HNF4G: variants seen among roughly 807,000 people sequenced by gnomAD.
HNF4G encodes the protein hepatocyte nuclear factor 4-gamma.
In HNF4G, 21 loss-of-function variants were observed where a neutral mutation model predicts 50.9. That is an observed-to-expected ratio of 0.41 (90% confidence interval 0.29 to 0.59). The LOEUF is 0.59. Ranked by LOEUF, HNF4G falls within the 20% of genes least tolerant of loss-of-function variation. HNF4G has a pLI of 0.26. For synonymous variants in HNF4G, 198 were observed against 185.6 expected (o/e 1.07, Z -0.54); for missense variants, 527 against 559.4 (o/e 0.94, Z 0.58).
At chr8:75,409,103 C>T (rs115719365) in intron 1 of HNF4G, among the ~76,000 whole-genome samples, 2,946 of 152,210 alleles carry the variant, frequency 0.019, 85 homozygotes, top group African/African-American at 0.064. Flanking sequence ...GCTGTGTGGT[C>T]GAAGTAGGTG....
rs909369784 is a variant in HNF4G at position 75,565,391 on chromosome 8, G to T, written c.*1295G>T. ...CTTAAAAACATTAGATAAAATAAAA[G>T]ATTCACCGGATGGATTCTGATGAAA... On this transcript the variant is annotated 3_prime_UTR_variant, in exon 10 of 10. Transcript: ENST00000396423. 2 of 152,128 alleles carry T rather than the reference G, an allele frequency of 1.3e-5. No individual in the cohort carries two copies. The highest frequency in any genetic ancestry group is 2.9e-5 in the Non-Finnish European group (2 of 68,024). 9.4% of individuals were successfully genotyped at this position (152,128 alleles called of 1,614,324 possible). A position where few individuals can be genotyped will look rare whatever the true frequency, so the allele number is the denominator to read the frequency against.
chr8:75,499,469 A>G (rs995699887), intron 2 of HNF4G, among the ~76,000 whole-genome samples: 4 of 152,062 alleles, frequency 2.6e-5, no homozygotes, highest in Non-Finnish European at 4.4e-5. Flanking sequence ...ATTGATTTAC[A>G]TATTTAACAT....
chr8:75,452,447 C>T (rs990834873), intron 1 of HNF4G, among the ~76,000 whole-genome samples: 5 of 152,186 alleles, frequency 3.3e-5, no homozygotes, highest in South Asian at 2.1e-4. Flanking sequence ...TGGCTGGGCA[C>T]GTTGGCTCAC....
chr8:75,503,483 T>C (rs1035686918), intron 2 of HNF4G, among the ~76,000 whole-genome samples: 8 of 152,326 alleles, frequency 5.3e-5, no homozygotes, highest in Middle Eastern at 3.4e-3. Context: ...TGTCAAGATA[T>C]TCTTACAACA....
At chr8:75,476,201 T>A (rs187201875) in intron 1 of HNF4G, among the ~76,000 whole-genome samples, 2 of 152,296 alleles carry the variant, frequency 1.3e-5, no homozygotes. Context: ...GGTATTTGAT[T>A]TTCTGTTTCT....
At chr8:75,444,154 C>T (rs868219408) in intron 1 of HNF4G, among the ~76,000 whole-genome samples, 2,593 of 151,870 alleles carry the variant, frequency 0.017, 34 homozygotes, top group Middle Eastern at 0.037. Context: ...ATTTTCAACC[C>T]AGAATTTCAT....
At chr8:75,560,675 A>G (rs1312001895) in intron 9 of HNF4G, among the ~76,000 whole-genome samples, 2 of 152,132 alleles carry the variant, frequency 1.3e-5, no homozygotes, top group Non-Finnish European at 2.9e-5. Context: ...TGAAAGAAAA[A>G]TCTTTCTACT....
At chr8:75,457,606 G>A (rs1439145003) in intron 1 of HNF4G, among the ~76,000 whole-genome samples, 1 of 152,110 alleles carries the variant, frequency 6.6e-6, no homozygotes, top group East Asian at 1.9e-4. Context: ...TCTTAGAGAG[G>A]TTGGAAATTC....
At chr8:75,465,915 T>C (rs1476649376) in intron 1 of HNF4G, among the ~76,000 whole-genome samples, 1 of 152,182 alleles carries the variant, frequency 6.6e-6, no homozygotes, top group Non-Finnish European at 1.5e-5. Flanking sequence ...CCTGGGATAA[T>C]AGACTCTTCA....
chr8:75,428,278 G>A (rs1353014832), intron 1 of HNF4G, among the ~76,000 whole-genome samples: 1 of 152,106 alleles, frequency 6.6e-6, no homozygotes, highest in Non-Finnish European at 1.5e-5. Context: ...CTTCACTTAG[G>A]TAAGTTACTT....
At chr8:75,416,249 G>C (rs893249261) in intron 1 of HNF4G, among the ~76,000 whole-genome samples, 1 of 151,856 alleles carries the variant, frequency 6.6e-6, no homozygotes, top group African/African-American at 2.4e-5. Flanking sequence ...TCATTGTCTT[G>C]CTCAGGGCTC....
intron 1 of HNF4G, among the ~76,000 whole-genome samples, chr8:75,439,331 T>A: frequency 6.6e-6 from 1 of 152,074 alleles, no homozygotes; most frequent in East Asian, 1.9e-4. Context: ...TATAGTTAAA[T>A]GATGAATTTT....
chr8:75,428,457 A>G (rs989170933), intron 1 of HNF4G, among the ~76,000 whole-genome samples: 2 of 152,248 alleles, frequency 1.3e-5, no homozygotes, highest in African/African-American at 4.8e-5. Flanking sequence ...AAAGGTAGAC[A>G]TTAATTCAAT....
chr8:75,425,647 T>C (rs1410272205), intron 1 of HNF4G, among the ~76,000 whole-genome samples: 2 of 150,346 alleles, frequency 1.3e-5, no homozygotes, highest in African/African-American at 2.4e-5. Flanking sequence ...CTATGCCACA[T>C]AGGAAATTTC....
At chr8:75,452,768 T>G (rs1156431356) in intron 1 of HNF4G, among the ~76,000 whole-genome samples, 1 of 152,138 alleles carries the variant, frequency 6.6e-6, no homozygotes, top group African/African-American at 2.4e-5. Context: ...TAGTAACTGT[T>G]TGAGCCATGA....
chr8:75,497,494 G>T (rs1351005265), intron 2 of HNF4G, among the ~76,000 whole-genome samples: 1 of 152,078 alleles, frequency 6.6e-6, no homozygotes, highest in African/African-American at 2.4e-5. Flanking sequence ...GGTCAGTGTG[G>T]CCAACATGGT....
At chr8:75,509,111 C>G (rs1248349294) in intron 2 of HNF4G, among the ~76,000 whole-genome samples, 1 of 152,102 alleles carries the variant, frequency 6.6e-6, no homozygotes, top group Admixed American at 6.6e-5. Flanking sequence ...TACAAGTCAG[C>G]TGAGGTCTGT....
chr8:75,498,306 A>G (rs1812832619), intron 2 of HNF4G, among the ~76,000 whole-genome samples: 1 of 152,180 alleles, frequency 6.6e-6, no homozygotes, highest in South Asian at 2.1e-4. Flanking sequence ...TTGATAACTT[A>G]GATGAAATGG....
intron 2 of HNF4G, among the ~76,000 whole-genome samples, chr8:75,512,706 C>T (rs1162868212): frequency 2.0e-5 from 3 of 151,912 alleles, no homozygotes; most frequent in African/African-American, 2.4e-5. Flanking sequence ...CCTCGAGATC[C>T]GCCCGCCTCC....
Sources: allele counts gnomAD v4.1 joint callset (sites outside exome capture counted in the v4.1 genomes callset), GRCh38; gene constraint gnomAD v4.1.1; transcripts MANE v1.5; gene names NCBI Gene and HGNC (gene_info 2026-07-23, HGNC 2026-07-21).